The following CFAP299 variants were observed in gnomAD, a reference collection of about 807,000 sequenced individuals.
CFAP299 encodes cilia- and flagella-associated protein 299.
Under a neutral mutation model 27.0 loss-of-function variants are expected in CFAP299, and 21 were observed. That is an observed-to-expected ratio of 0.78 (90% CI 0.55 to 1.12). The LOEUF (loss-of-function observed/expected upper bound fraction) is 1.12. Among genes scored for constraint, CFAP299 ranks in the 50% most tolerant of loss-of-function variants. The pLI is 0.00. For missense variants in CFAP299, 310 were observed against 276.6 expected (o/e 1.12, Z -0.86); for synonymous variants, 104 against 98.1 (o/e 1.06, Z -0.36).
At chr4:80,957,342 T>C (rs1258634364) in intron 5 of CFAP299, among the ~76,000 whole-genome samples, 1 of 152,198 alleles carries the variant, frequency 6.6e-6, no homozygotes, top group Non-Finnish European at 1.5e-5. Flanking sequence ...GCCAGTTACA[T>C]CGTTTGCTGT....
intron 2 of CFAP299, among the ~76,000 whole-genome samples, chr4:80,458,093 G>GT (rs1037834327): frequency 6.6e-6 from 1 of 151,534 alleles, no homozygotes; most frequent in African/African-American, 2.4e-5. Context: ...TTTTTAGCCC[G>GT]TTTATACTCC....
At position 80,362,829 on chromosome 4, in the gene CFAP299, G is replaced by A; in HGVS notation, c.187G>A (p.Glu63Lys). The A allele has an allele frequency of 1.2e-6, 2 of 1,613,198 alleles. No homozygotes were observed. Among genetic ancestry groups the A allele is most frequent in the East Asian group, 4.5e-5 (2 of 44,828 alleles). ...AGAGAGAGTGAAAAGGGAAGATTTT[G>A]AAGCAAGGAAAGCGGCTATAGAGAT... ...TGERVKREDF[E>K]ARKAAIEIAR... The change falls in exon 2 of 6, where the codon GAA becomes AAA. Residue 63 changes from glutamate to lysine, a missense_variant. Physicochemically the swap from Glu to Lys is moderately conservative, Grantham distance 56. Coordinates refer to ENST00000358105, the MANE Select transcript of CFAP299 (RefSeq NM_152770.3).
intron 2 of CFAP299, among the ~76,000 whole-genome samples, chr4:80,403,905 G>T (rs550481953): frequency 6.6e-6 from 1 of 152,108 alleles, no homozygotes; most frequent in Non-Finnish European, 1.5e-5. Context: ...ACTTGAGAGT[G>T]CCAGTTTTTA....
chr4:80,716,121 A>T (rs1238952339), intron 3 of CFAP299, among the ~76,000 whole-genome samples: 2 of 152,032 alleles, frequency 1.3e-5, no homozygotes, highest in African/African-American at 4.8e-5. Context: ...AAAGAAGAAA[A>T]CAAAGCTTGC....
intron 2 of CFAP299, among the ~76,000 whole-genome samples, chr4:80,526,500 G>C (rs1043184693): frequency 1.3e-5 from 2 of 151,940 alleles, no homozygotes; most frequent in African/African-American, 2.4e-5. Context: ...AGTCATCTTC[G>C]ATGTTTTTTT....
chr4:80,526,556 T>C (rs1318524849), intron 2 of CFAP299, among the ~76,000 whole-genome samples: 1 of 152,158 alleles, frequency 6.6e-6, no homozygotes, highest in African/African-American at 2.4e-5. Flanking sequence ...TAATGATTTT[T>C]AATGAGTATA....
intron 2 of CFAP299, among the ~76,000 whole-genome samples, chr4:80,403,623 C>T (rs73829278): frequency 0.042 from 6,337 of 152,182 alleles, 412 homozygotes; most frequent in African/African-American, 0.14. Context: ...ATCTTTCAAT[C>T]AGTTCTCCCA....
intron 3 of CFAP299, among the ~76,000 whole-genome samples, chr4:80,866,043 C>T (rs570915446): frequency 1.5e-3 from 137 of 92,982 alleles, no homozygotes; most frequent in Non-Finnish European, 2.5e-3. Flanking sequence ...CCTTGTGCAC[C>T]GTAGAACTTA....
chr4:80,647,858 G>A (rs1027826643), intron 3 of CFAP299, among the ~76,000 whole-genome samples: 17 of 152,128 alleles, frequency 1.1e-4, no homozygotes, highest in African/African-American at 3.6e-4. Flanking sequence ...CGGATCACCT[G>A]AGGTAAGGAG....
chr4:80,810,937 A>G (rs1473352779), intron 3 of CFAP299, among the ~76,000 whole-genome samples: 2 of 152,034 alleles, frequency 1.3e-5, no homozygotes, highest in Non-Finnish European at 2.9e-5. Context: ...TGCCCCACTC[A>G]TGTGGTTCTT....
rs147083812 is a variant in CFAP299 at position 80,515,993 on chromosome 4, ATG to A, written c.243-67096_243-67095del. On this transcript the variant is annotated intron_variant, in intron 2 of 5. Transcript: ENST00000358105. ...GGACCAAAATACAATATCTAGTGGG[ATG>A]TGTTAGTCTGTTTCTGCATTTCTTT... 2.3e-3 allele frequency among the ~76,000 whole-genome samples: 339 copies of A among 147,696 alleles called. 1 individual carries two copies. The highest frequency in any genetic ancestry group is 7.8e-3 in the African/African-American group (315 of 40,550).
intron 3 of CFAP299, among the ~76,000 whole-genome samples, chr4:80,755,766 T>C (rs889055333): frequency 2.0e-5 from 3 of 152,156 alleles, no homozygotes; most frequent in Non-Finnish European, 4.4e-5. Context: ...TACTAGCAAG[T>C]ACTTTTACAC....
chr4:80,512,635 A>G (rs2110165316), intron 2 of CFAP299, among the ~76,000 whole-genome samples: 1 of 152,270 alleles, frequency 6.6e-6, no homozygotes, highest in South Asian at 2.1e-4. Flanking sequence ...GCCTGGGTTC[A>G]AATCGCAGCT....
At chr4:80,706,946 A>G (rs1006576572) in intron 3 of CFAP299, among the ~76,000 whole-genome samples, 1 of 151,962 alleles carries the variant, frequency 6.6e-6, no homozygotes, top group Non-Finnish European at 1.5e-5. Flanking sequence ...CCCTCTCCCC[A>G]CAAAGTGGTT....
chr4:80,942,023 C>T (rs564365677), intron 4 of CFAP299, among the ~76,000 whole-genome samples: 1 of 152,190 alleles, frequency 6.6e-6, no homozygotes, highest in East Asian at 1.9e-4. Flanking sequence ...ATATCAATGG[C>T]TTTCAAATTT....
chr4:80,559,440 C>G (rs1192532715), intron 2 of CFAP299, among the ~76,000 whole-genome samples: 1 of 152,126 alleles, frequency 6.6e-6, no homozygotes, highest in African/African-American at 2.4e-5. Flanking sequence ...TAAGGCTTCA[C>G]CCATAGTCTC....
intron 3 of CFAP299, among the ~76,000 whole-genome samples, chr4:80,806,949 T>G (rs1234496368): frequency 2.0e-5 from 3 of 152,150 alleles, no homozygotes; most frequent in African/African-American, 7.2e-5. Context: ...AATTGAAAAA[T>G]TATAGACCTG....
At chr4:80,882,555 G>T (rs76870554) in intron 4 of CFAP299, among the ~76,000 whole-genome samples, 1 of 151,864 alleles carries the variant, frequency 6.6e-6, no homozygotes, top group African/African-American at 2.4e-5. Flanking sequence ...GGAGAATGGC[G>T]TGAACCCGGG....
At chr4:80,934,569 G>T (rs1273473175) in intron 4 of CFAP299, among the ~76,000 whole-genome samples, 1 of 150,544 alleles carries the variant, frequency 6.6e-6, no homozygotes, top group African/African-American at 2.4e-5. Context: ...AGTCAACTTT[G>T]TTACTCATTA....
Sources: gnomAD v4.1 joint callset for allele counts (sites outside exome capture counted in the v4.1 genomes callset) on GRCh38, gnomAD v4.1.1 for gene constraint, MANE v1.5 for transcripts, NCBI Gene and HGNC (gene_info 2026-07-23, HGNC 2026-07-21) for gene names.